HPCAL1: variants seen among roughly 807,000 people sequenced by gnomAD.
HPCAL1 encodes the protein hippocalcin-like protein 1.
HPCAL1 carries 8 observed loss-of-function variants against 17.1 expected under a neutral mutation model. The ratio of observed to expected loss-of-function variants is 0.47; its 90% confidence interval spans 0.27 to 0.84. The LOEUF is 0.84. Among genes scored for constraint, HPCAL1 ranks in the 40% least tolerant of loss-of-function variants. The pLI, the probability that HPCAL1 is intolerant of heterozygous loss-of-function variation, is 0.13. For synonymous variants in HPCAL1, 112 were observed against 111.4 expected (o/e 1.01, Z -0.03); for missense variants, 165 against 271.1 (o/e 0.61, Z 2.75).
intron 1 of HPCAL1, among the ~76,000 whole-genome samples, chr2:10,369,483 G>A (rs1667077921): frequency 6.6e-6 from 1 of 152,210 alleles, no homozygotes; most frequent in Non-Finnish European, 1.5e-5. Context: ...GGATCAAGGT[G>A]GATGTTGACA....
intron 1 of HPCAL1, among the ~76,000 whole-genome samples, chr2:10,392,076 T>C (rs768545500): frequency 3.3e-5 from 5 of 151,852 alleles, no homozygotes; most frequent in Non-Finnish European, 5.9e-5. Flanking sequence ...GTGGTCTCGA[T>C]CTATCCCTCG....
chr2:10,384,488 G>T lies in HPCAL1; in HGVS notation c.-110-12347G>T, dbSNP rs1407102831. Among the ~76,000 whole-genome samples the T allele has an allele frequency of 2.0e-5, 3 of 152,116 alleles. No homozygotes were observed. Among genetic ancestry groups the T allele is most frequent in the African/African-American group, 4.8e-5 (2 of 41,448 alleles). ...AACTGCCATGCTTGCTTGGTGCACG[G>T]TGCTGTGCTGGGCACTGGGGCAAGG... On this transcript the variant is annotated intron_variant, in intron 1 of 4. Transcript: ENST00000307845. The surrounding 1 kb of genome is among the most constrained non-coding windows in gnomAD (Gnocchi z 4.4).
chr2:10,418,456 AAAAAAAAAAAAAAAAC>A (rs1670819368), intron 2 of HPCAL1, among the ~76,000 whole-genome samples: 1 of 150,340 alleles, frequency 6.7e-6, no homozygotes, highest in South Asian at 2.1e-4. Context: ...CAAAAAAAAA[AAAAAAAAAAAAAAAAC>A]AACCCTGGGA....
At chr2:10,398,638 G>C (rs571873355) in intron 2 of HPCAL1, among the ~76,000 whole-genome samples, 2 of 152,204 alleles carry the variant, frequency 1.3e-5, no homozygotes, top group African/African-American at 4.8e-5. Context: ...CACGCACGTG[G>C]TGTTTCCAGG....
intron 1 of HPCAL1, among the ~76,000 whole-genome samples, chr2:10,375,594 T>G (rs772501476): frequency 2.6e-5 from 4 of 152,198 alleles, no homozygotes; most frequent in Admixed American, 6.5e-5. Flanking sequence ...AACTCTGAAG[T>G]CAGAATTGAC....
At chr2:10,339,061 A>G (rs1572671796) in intron 1 of HPCAL1, among the ~76,000 whole-genome samples, 1 of 152,328 alleles carries the variant, frequency 6.6e-6, no homozygotes, top group African/African-American at 2.4e-5. Flanking sequence ...GTGAGGGCAC[A>G]GACAGACACA....
chr2:10,335,109 C>T lies in HPCAL1; in HGVS notation c.-111+31932C>T, dbSNP rs559292370. On this transcript the variant is annotated intron_variant, in intron 1 of 4. Coordinates refer to ENST00000307845, the MANE Select transcript of HPCAL1 (RefSeq NM_002149.4). The stretch of plus-strand genomic sequence containing the variant: ...CTGTGGAAGGAAGCCTCTAAGATGC[C>T]GCCACTGGTCCCCACATCCTGGTCT... 9.2e-5 allele frequency among the ~76,000 whole-genome samples: 14 copies of T among 152,280 alleles called. 1 individual carries two copies. The South Asian group carries it at 2.1e-3, about 23-fold the overall frequency.
At chr2:10,319,834 G>A (rs1410907985) in intron 1 of HPCAL1, among the ~76,000 whole-genome samples, 2 of 151,982 alleles carry the variant, frequency 1.3e-5, no homozygotes, top group Admixed American at 1.3e-4. Context: ...GAAATCCTCA[G>A]GGATTCGTTT....
intron 2 of HPCAL1, among the ~76,000 whole-genome samples, chr2:10,405,609 C>CGGAA (rs1301584132): frequency 6.6e-6 from 1 of 152,244 alleles, no homozygotes; most frequent in African/African-American, 2.4e-5. Flanking sequence ...ACGCGTAGAT[C>CGGAA]TTCCCCCCAG....
Position 10,395,878 on chromosome 2 carries a change from A to C in HPCAL1, c.-110-957A>C, listed in dbSNP as rs1668993570. Reference sequence around the variant, plus strand: ...TTGGATAATGAGTACAAATGCATAGACAGCCTTTAGCAAGGAGCCTGGTTG... The same window carrying C: ...TTGGATAATGAGTACAAATGCATAGCCAGCCTTTAGCAAGGAGCCTGGTTG... On this transcript the variant is annotated intron_variant, in intron 1 of 4. Coordinates refer to ENST00000307845, the MANE Select transcript of HPCAL1 (RefSeq NM_002149.4). This position sits in a 1 kb window ranked among gnomAD's most constrained non-coding sequence, Gnocchi z 4.4. Among the ~76,000 whole-genome samples, 1 of 152,256 alleles carries C rather than the reference A, an allele frequency of 6.6e-6. No individual in the cohort carries two copies. The highest frequency in any genetic ancestry group is 1.9e-4 in the East Asian group (1 of 5,178).
At chr2:10,315,154 G>A (rs528753417) in intron 1 of HPCAL1, among the ~76,000 whole-genome samples, 5 of 152,196 alleles carry the variant, frequency 3.3e-5, no homozygotes, top group East Asian at 1.9e-4. Flanking sequence ...TTAGCCGGGC[G>A]TGGTGGCGGG....
At position 10,336,735 on chromosome 2, in the gene HPCAL1, A is replaced by G. The variant is rs186512638; in HGVS notation, c.-111+33558A>G. Among the ~76,000 whole-genome samples, 198 of 152,292 alleles carry G rather than the reference A, an allele frequency of 1.3e-3. 1 individual carries two copies. The highest frequency in any genetic ancestry group is 4.6e-3 in the African/African-American group (191 of 41,554). The stretch of plus-strand genomic sequence containing the variant: ...GAGGGAAAAAAGATGGTGGAACAAC[A>G]TAATTCTATTTCTGTTTTTCCTCTT... On this transcript the variant is annotated intron_variant, in intron 1 of 4. Coordinates refer to ENST00000307845, the MANE Select transcript of HPCAL1 (RefSeq NM_002149.4).
At chr2:10,418,066 A>AGATT (rs919814865) in intron 2 of HPCAL1, among the ~76,000 whole-genome samples, 1 of 151,896 alleles carries the variant, frequency 6.6e-6, no homozygotes, top group Non-Finnish European at 1.5e-5. Context: ...ATAGATAGAT[A>AGATT]GATTGATTGA....
At chr2:10,417,742 C>T (rs1670761945) in intron 2 of HPCAL1, among the ~76,000 whole-genome samples, 1 of 151,994 alleles carries the variant, frequency 6.6e-6, no homozygotes, top group Non-Finnish European at 1.5e-5. Flanking sequence ...AAGATAAAGT[C>T]ATAAAGATAA....
intron 1 of HPCAL1, among the ~76,000 whole-genome samples, chr2:10,386,368 A>T (rs545211310): frequency 2.6e-5 from 4 of 152,096 alleles, no homozygotes; most frequent in Non-Finnish European, 5.9e-5. Context: ...TGACTCATTC[A>T]TTTAATGTTT....
intron 1 of HPCAL1, among the ~76,000 whole-genome samples, chr2:10,396,024 C>G: frequency 6.6e-6 from 1 of 152,180 alleles, no homozygotes; most frequent in South Asian, 2.1e-4. Context: ...GCGGGCCCGT[C>G]CCGAGTTCAC....
intron 1 of HPCAL1, among the ~76,000 whole-genome samples, chr2:10,337,661 C>T (rs577911065): frequency 8.9e-4 from 135 of 152,284 alleles, no homozygotes; most frequent in Non-Finnish European, 1.6e-3. Context: ...GGGGATGAGG[C>T]GTAGACCCTG....
At chr2:10,376,598 G>C (rs531878700) in intron 1 of HPCAL1, among the ~76,000 whole-genome samples, 6 of 151,982 alleles carry the variant, frequency 3.9e-5, no homozygotes, top group African/African-American at 1.5e-4. Flanking sequence ...ACCACACCTG[G>C]TTAATTTTTG....
intron 1 of HPCAL1, among the ~76,000 whole-genome samples, chr2:10,361,856 A>G (rs1481160839): frequency 2.0e-5 from 3 of 151,774 alleles, no homozygotes; most frequent in Admixed American, 6.6e-5. Context: ...AGCTGGGATT[A>G]TAGGCGCCCG....
Sources: gnomAD v4.1 joint callset for allele counts (sites outside exome capture counted in the v4.1 genomes callset) on GRCh38, gnomAD v4.1.1 for gene constraint, Gnocchi (gnomAD v3.1) non-coding constraint, MANE v1.5 for transcripts, NCBI Gene and HGNC (gene_info 2026-07-23, HGNC 2026-07-21) for gene names.